The following CDH11 variants were observed in gnomAD, a reference collection of about 807,000 sequenced individuals.
CDH11 encodes cadherin 11, also known as cadherin-11.
Under a neutral mutation model 67.8 loss-of-function variants are expected in CDH11, and 11 were observed. The observed-to-expected ratio is 0.16, with a 90% CI of 0.10 to 0.27. CDH11 has a LOEUF of 0.27. CDH11 is among the 10% of genes least tolerant of loss of function. CDH11 has a pLI of 1.00. For missense variants in CDH11, 847 were observed against 1,031.2 expected, an observed-to-expected ratio of 0.82 and a Z score of 2.45; for synonymous variants, 419 against 400.0, an observed-to-expected ratio of 1.05 and a Z score of -0.57.
At chr16:65,058,891 A>G (rs2074192199) in intron 1 of CDH11, among the ~76,000 whole-genome samples, 1 of 152,212 alleles carries the variant, frequency 6.6e-6, no homozygotes, top group Admixed American at 6.5e-5. Context: ...TATACACTCA[A>G]AAATCAATAG....
intron 9 of CDH11, among the ~76,000 whole-genome samples, chr16:64,972,413 C>T (rs1322226872): frequency 1.3e-5 from 2 of 152,188 alleles, no homozygotes; most frequent in East Asian, 3.9e-4. Context: ...TTAAAACCAT[C>T]TGGGAACTTG....
At chr16:65,118,723 A>G (rs940323740) in intron 1 of CDH11, 2 of 152,214 alleles carry the variant, frequency 1.3e-5, no homozygotes, top group African/African-American at 4.8e-5. Flanking sequence ...TCATTCTTCA[A>G]ATTTGACAAT....
intron 1 of CDH11, among the ~76,000 whole-genome samples, chr16:65,111,392 G>A (rs878887652): frequency 1.3e-5 from 2 of 152,184 alleles, no homozygotes; most frequent in Admixed American, 1.3e-4. Flanking sequence ...AAGCAGGGAA[G>A]CCTGACTCCA....
intron 1 of CDH11, among the ~76,000 whole-genome samples, chr16:65,074,885 T>C (rs1286633940): frequency 6.6e-6 from 1 of 152,152 alleles, no homozygotes; most frequent in African/African-American, 2.4e-5. Flanking sequence ...CTTACATCCT[T>C]AGGTGGAAGA....
chr16:65,031,146 G>A (rs2073635850), intron 2 of CDH11, among the ~76,000 whole-genome samples: 1 of 152,230 alleles, frequency 6.6e-6, no homozygotes. Context: ...CGCTGGATTA[G>A]TGGGTAACTT....
At chr16:65,104,201 G>T (rs1035017418) in intron 1 of CDH11, among the ~76,000 whole-genome samples, 1 of 152,166 alleles carries the variant, frequency 6.6e-6, no homozygotes, top group African/African-American at 2.4e-5. Flanking sequence ...AGTGAAGCAT[G>T]ACACCTTCAT....
chr16:65,121,948 T>C lies in CDH11; in HGVS notation c.-366A>G. 1.4e-6 allele frequency: 1 copy of C among 701,736 alleles called. No homozygotes were observed. The highest frequency in any genetic ancestry group is 1.5e-5 in the South Asian group (1 of 67,550). The allele number at this position is 701,736 out of a possible 1,614,324, so 43.5% of individuals were successfully genotyped here. On this transcript the variant is annotated 5_prime_UTR_variant, in exon 1 of 13. Transcript: ENST00000268603. The surrounding 1 kb of genome is among the most constrained non-coding windows in gnomAD (Gnocchi z 4.1). Reference sequence around the variant, plus strand: ...CTGGCGCAGGGCAAGCGCTGCGGTGTCAGTCCCGGCCCCAGTCCCGGTCCC... The same window carrying C: ...CTGGCGCAGGGCAAGCGCTGCGGTGCCAGTCCCGGCCCCAGTCCCGGTCCC...
In CDH11 at chr16:65,100,749, A is replaced by G. The variant is rs868264289; in HGVS notation, c.-298+21131T>C. On this transcript the variant is annotated intron_variant, in intron 1 of 12. Coordinates refer to ENST00000268603, the MANE Select transcript of CDH11 (RefSeq NM_001797.4). Reference sequence around the variant, plus strand: ...CGAGACTCTGTCTCAAAAAAAAAAAAAAAAGAAAGAAAGAAAAAGAAAAAC... The same window carrying G: ...CGAGACTCTGTCTCAAAAAAAAAAAGAAAAGAAAGAAAGAAAAAGAAAAAC... Among the ~76,000 whole-genome samples the G allele has an allele frequency of 4.6e-5, 7 of 151,820 alleles. 1 individual carries two copies. The highest frequency in any genetic ancestry group is 6.8e-3 in the Middle Eastern group (2 of 294).
At chr16:64,957,933 T>C (rs2071563002) in intron 11 of CDH11, among the ~76,000 whole-genome samples, 1 of 152,210 alleles carries the variant, frequency 6.6e-6, no homozygotes, top group South Asian at 2.1e-4. Context: ...TTTTAGAAGT[T>C]TGTGACAATA....
At chr16:65,122,660 C>T (rs1375045254), upstream of CDH11, among the ~76,000 whole-genome samples, 1 of 152,126 alleles carries the variant, frequency 6.6e-6, no homozygotes, top group Non-Finnish European at 1.5e-5. Context: ...CTCTCAATCT[C>T]CCATCCCTTG....
chr16:65,074,137 G>A (rs962758440), intron 1 of CDH11, among the ~76,000 whole-genome samples: 1 of 152,070 alleles, frequency 6.6e-6, no homozygotes, highest in Non-Finnish European at 1.5e-5. Flanking sequence ...TGCCCTTTGG[G>A]GAGTTCATTT....
chr16:64,979,746 T>TG (rs1241079254), intron 8 of CDH11, among the ~76,000 whole-genome samples: 11 of 152,118 alleles, frequency 7.2e-5, no homozygotes, highest in African/African-American at 2.7e-4. Flanking sequence ...GAGGAAAACA[T>TG]GTTTAGGCTA....
intron 1 of CDH11, among the ~76,000 whole-genome samples, chr16:65,074,533 C>T (rs1249929911): frequency 1.3e-5 from 2 of 152,088 alleles, no homozygotes; most frequent in African/African-American, 4.8e-5. Flanking sequence ...AATATGTGAA[C>T]AATGGCATGA....
chr16:65,079,827 T>G (rs1002054394), intron 1 of CDH11, among the ~76,000 whole-genome samples: 1 of 152,242 alleles, frequency 6.6e-6, no homozygotes, highest in Non-Finnish European at 1.5e-5. Flanking sequence ...AAAATTCATC[T>G]CTTTTCTCTA....
intron 1 of CDH11, among the ~76,000 whole-genome samples, chr16:65,118,073 C>T (rs2075272361): frequency 6.6e-6 from 1 of 152,114 alleles, no homozygotes; most frequent in Non-Finnish European, 1.5e-5. Flanking sequence ...CTGAGAGGGC[C>T]AGACAAGGCT....
intron 2 of CDH11, among the ~76,000 whole-genome samples, chr16:65,006,011 C>T (rs1007926546): frequency 6.6e-6 from 1 of 152,170 alleles, no homozygotes; most frequent in African/African-American, 2.4e-5. Context: ...GTTCTTATTG[C>T]CAGTCCTTAA....
rs1200173573 is a variant in CDH11, at chr16:65,004,937, G to T, written c.-68C>A. ...CTTCCACCAACTGTACGGTGGTCTT[G>T]CTGAGGGTGGCCTCCCGGACGCGTC... On this transcript the variant is annotated 5_prime_UTR_variant, in exon 3 of 13. Coordinates refer to ENST00000268603, the MANE Select transcript of CDH11 (RefSeq NM_001797.4). The T allele has an allele frequency of 6.9e-7, 1 of 1,444,648 alleles. No homozygotes were observed. Among genetic ancestry groups the T allele is most frequent in the African/African-American group, 1.4e-5 (1 of 69,398 alleles). 89.5% of individuals were successfully genotyped at this position (1,444,648 alleles called of 1,614,324 possible). A position where few individuals can be genotyped will look rare whatever the true frequency, so the allele number is the denominator to read the frequency against.
chr16:65,002,735 T>C (rs966153481), intron 3 of CDH11, among the ~76,000 whole-genome samples: 9 of 152,118 alleles, frequency 5.9e-5, no homozygotes, highest in Non-Finnish European at 1.3e-4. Flanking sequence ...ATCAGTAGGG[T>C]TCAGAAACCC....
chr16:65,097,412 A>T (rs2074917555), intron 1 of CDH11, among the ~76,000 whole-genome samples: 1 of 152,204 alleles, frequency 6.6e-6, no homozygotes, highest in Non-Finnish European at 1.5e-5. Flanking sequence ...ATTGACCCTC[A>T]TTCTCTAGGG....
Sources: gnomAD v4.1 joint callset for allele counts (sites outside exome capture counted in the v4.1 genomes callset) on GRCh38, gnomAD v4.1.1 for gene constraint, Gnocchi (gnomAD v3.1) non-coding constraint, MANE v1.5 for transcripts, NCBI Gene and HGNC (gene_info 2026-07-23, HGNC 2026-07-21) for gene names.